Variants in NCOA1 observed in about 807,000 individuals in gnomAD.
The protein encoded by NCOA1 is nuclear receptor coactivator 1.
Under a neutral mutation model 150.9 loss-of-function variants are expected in NCOA1, and 35 were observed. That is an observed-to-expected ratio of 0.23 (90% CI 0.18 to 0.31). NCOA1 has a LOEUF of 0.31. Ranked by LOEUF, NCOA1 falls within the 10% of genes least tolerant of loss-of-function variation. The pLI is 1.00. For missense variants in NCOA1, 1,491 were observed against 1,749.3 expected, an observed-to-expected ratio of 0.85 and a Z score of 2.63; for synonymous variants, 590 against 630.0, an observed-to-expected ratio of 0.94 and a Z score of 0.95.
intron 7 of NCOA1, among the ~76,000 whole-genome samples, chr2:24,675,934 G>T (rs1012727795): frequency 7.9e-5 from 12 of 152,064 alleles, no homozygotes; most frequent in African/African-American, 2.9e-4. Flanking sequence ...AGACCCAAAT[G>T]ATTACTATAT....
At chr2:24,616,240 G>T (rs1668867429) in intron 3 of NCOA1, among the ~76,000 whole-genome samples, 1 of 152,110 alleles carries the variant, frequency 6.6e-6, no homozygotes, top group Non-Finnish European at 1.5e-5. Context: ...TCTGCTATTT[G>T]CACATTTCCC....
chr2:24,719,751 G>C (rs1334205478), intron 14 of NCOA1, among the ~76,000 whole-genome samples: 2 of 152,128 alleles, frequency 1.3e-5, no homozygotes, highest in Non-Finnish European at 2.9e-5. Context: ...TATTGAACCG[G>C]GGGCCTGGCG....
At chr2:24,500,400 G>A (rs373714306) in intron 1 of NCOA1, among the ~76,000 whole-genome samples, 22 of 152,304 alleles carry the variant, frequency 1.4e-4, no homozygotes, top group African/African-American at 5.1e-4. Flanking sequence ...GAGCCACCGC[G>A]CCTGGCCAGT....
chr2:24,680,807 A>G (rs1165135479), intron 7 of NCOA1, among the ~76,000 whole-genome samples: 2 of 152,228 alleles, frequency 1.3e-5, no homozygotes, highest in East Asian at 3.8e-4. Flanking sequence ...CAATGTATAC[A>G]TATTTGAAAA....
intron 4 of NCOA1, among the ~76,000 whole-genome samples, chr2:24,655,363 T>A (rs1056079367): frequency 5.9e-5 from 9 of 152,194 alleles, no homozygotes; most frequent in Non-Finnish European, 1.0e-4. Flanking sequence ...ATACAGATGA[T>A]ATATATAACA....
chr2:24,712,140 C>T (rs530616817), intron 14 of NCOA1, among the ~76,000 whole-genome samples: 4 of 152,314 alleles, frequency 2.6e-5, no homozygotes, highest in Admixed American at 2.0e-4. Flanking sequence ...CTCACATTCT[C>T]CAGTCATTAA....
intron 1 of NCOA1, among the ~76,000 whole-genome samples, chr2:24,559,466 A>G (rs1666209811): frequency 6.6e-6 from 1 of 152,050 alleles, no homozygotes; most frequent in Non-Finnish European, 1.5e-5. Context: ...ATTTCTCCTT[A>G]TGTTGTTGCC....
intron 1 of NCOA1, among the ~76,000 whole-genome samples, chr2:24,496,733 G>A (rs967652401): frequency 6.6e-6 from 1 of 152,182 alleles, no homozygotes; most frequent in East Asian, 1.9e-4. Context: ...TTACAGCTGA[G>A]CAGACTAAGT....
At chr2:24,749,473 AAAGAT>A (rs1416354570) in intron 19 of NCOA1, among the ~76,000 whole-genome samples, 2 of 152,228 alleles carry the variant, frequency 1.3e-5, no homozygotes, top group Non-Finnish European at 2.9e-5. Context: ...AACCACCTGA[AAAGAT>A]AAGAGGGAAC....
rs145311927 is a variant in NCOA1 at position 24,663,575 on chromosome 2, A to C, written c.90-2174A>C. Reference sequence around the variant, plus strand: ...GAATAGCATTAGCTAGAAGGTCTGCAATATGAATGGTAATAAAAGGGATTC... The same window carrying C: ...GAATAGCATTAGCTAGAAGGTCTGCCATATGAATGGTAATAAAAGGGATTC... On this transcript the variant is annotated intron_variant, in intron 5 of 22. Coordinates refer to ENST00000348332, the MANE Select transcript of NCOA1 (RefSeq NM_003743.5). Among the ~76,000 whole-genome samples the C allele has an allele frequency of 1.3e-3, 197 of 152,378 alleles. 1 individual carries two copies. The highest frequency in any genetic ancestry group is 4.5e-3 in the African/African-American group (187 of 41,590).
At chr2:24,767,507 T>C (rs1665128229) in intron 22 of NCOA1, among the ~76,000 whole-genome samples, 1 of 152,238 alleles carries the variant, frequency 6.6e-6, no homozygotes, top group Admixed American at 6.5e-5. Flanking sequence ...AAGGAATAAG[T>C]GTATTATTAC....
chr2:24,647,104 G>A (rs528230229), intron 4 of NCOA1, among the ~76,000 whole-genome samples: 1 of 152,220 alleles, frequency 6.6e-6, no homozygotes, highest in South Asian at 2.1e-4. Context: ...ATATGTTTGA[G>A]TACCTTGTAT....
rs56287491 is a variant in NCOA1, at chr2:24,653,341, T to C, written c.-17-5320T>C. 8.6e-3 allele frequency among the ~76,000 whole-genome samples: 1,307 copies of C among 152,292 alleles called. 12 individuals are homozygous for C. The highest frequency in any genetic ancestry group is 0.015 in the Non-Finnish European group (1,027 of 67,994). ...ACTTTTTCAAAATTAGAATATTCCC[T>C]AATTTCTAGACCAAGAAGGCAGTTT... is the stretch of plus-strand genomic sequence containing the variant. On this transcript the variant is annotated intron_variant, in intron 4 of 22. Coordinates refer to ENST00000348332, the MANE Select transcript of NCOA1 (RefSeq NM_003743.5).
intron 1 of NCOA1, among the ~76,000 whole-genome samples, chr2:24,563,032 C>T (rs1217541463): frequency 6.6e-6 from 1 of 152,174 alleles, no homozygotes; most frequent in Non-Finnish European, 1.5e-5. Flanking sequence ...CGCTCTAAAG[C>T]ATTATTTTCG....
intron 1 of NCOA1, among the ~76,000 whole-genome samples, chr2:24,508,805 A>G (rs769441249): frequency 6.6e-6 from 1 of 152,210 alleles, no homozygotes; most frequent in Non-Finnish European, 1.5e-5. Flanking sequence ...GGGGAGGACA[A>G]GACAACTTTA....
chr2:24,549,202 A>G (rs1047276477), intron 1 of NCOA1, among the ~76,000 whole-genome samples: 2 of 152,234 alleles, frequency 1.3e-5, no homozygotes, highest in Non-Finnish European at 2.9e-5. Flanking sequence ...ACCATGTGTA[A>G]GCTGCTAAGG....
At chr2:24,718,254 A>G (rs911822085) in intron 14 of NCOA1, among the ~76,000 whole-genome samples, 7 of 152,200 alleles carry the variant, frequency 4.6e-5, no homozygotes, top group Admixed American at 4.6e-4. Flanking sequence ...CTACAGTGCA[A>G]TACCACTGCA....
chr2:24,621,750 G>A (rs1225007736), intron 3 of NCOA1, among the ~76,000 whole-genome samples: 2 of 152,146 alleles, frequency 1.3e-5, no homozygotes, highest in African/African-American at 4.8e-5. Flanking sequence ...AAAGTGCTGG[G>A]ATTACAGGCA....
intron 1 of NCOA1, chr2:24,554,321 A>G (rs1245350867): frequency 1.3e-5 from 2 of 152,250 alleles, no homozygotes; most frequent in East Asian, 3.9e-4. Context: ...TCTAAAAACT[A>G]CTTTAGTAGT....
Sources: gnomAD v4.1 joint callset for allele counts (sites outside exome capture counted in the v4.1 genomes callset) on GRCh38, gnomAD v4.1.1 for gene constraint, MANE v1.5 for transcripts, NCBI Gene and HGNC (gene_info 2026-07-23, HGNC 2026-07-21) for gene names.